Variants in FLRT2 observed in about 807,000 individuals in gnomAD.
The protein encoded by FLRT2 is leucine-rich repeat transmembrane protein FLRT2.
In FLRT2, 15 loss-of-function variants were observed where a neutral mutation model predicts 40.0. That is an observed-to-expected ratio of 0.38 (90% confidence interval 0.25 to 0.58). FLRT2 has a LOEUF of 0.58. FLRT2 is among the 20% of genes least tolerant of loss of function. FLRT2 has a pLI of 0.71. For missense variants in FLRT2, 726 were observed against 840.0 expected, an observed-to-expected ratio of 0.86 and a Z score of 1.68; for synonymous variants, 380 against 336.8, an observed-to-expected ratio of 1.13 and a Z score of -1.41.
rs1357433428 is a variant in FLRT2, at chr14:85,651,251, ATTCG to A, written c.*27757_*27760del. On this transcript the variant is annotated 3_prime_UTR_variant, in exon 2 of 2. Transcript: ENST00000330753. The stretch of plus-strand genomic sequence containing the variant: ...AGTCAAAGGACATAGCCTGGAAAGT[ATTCG>A]TTTGTTTGTGTGTGTGTGTGTGTGT... 7.6e-6 allele frequency: 1 copy of A among 131,860 alleles called. No individual in the cohort carries two copies. The highest frequency in any genetic ancestry group is 1.7e-5 in the Non-Finnish European group (1 of 59,484). 8.2% of individuals were successfully genotyped at this position (131,860 alleles called of 1,614,324 possible). A position where few individuals can be genotyped will look rare whatever the true frequency, so the allele number is the denominator to read the frequency against.
intron 1 of FLRT2, among the ~76,000 whole-genome samples, chr14:85,575,941 C>T (rs1284940893): frequency 6.6e-6 from 1 of 152,144 alleles, no homozygotes; most frequent in African/African-American, 2.4e-5. Flanking sequence ...AGGGGTATAG[C>T]TTTTAAGGAG....
At chr14:85,610,418 G>A (rs980403980) in intron 1 of FLRT2, among the ~76,000 whole-genome samples, 16 of 152,088 alleles carry the variant, frequency 1.1e-4, no homozygotes, top group Admixed American at 2.6e-4. Context: ...TCCAGGTAGC[G>A]TCTTTGATCT....
chr14:85,610,364 A>ATCAT (rs1016138785), intron 1 of FLRT2, among the ~76,000 whole-genome samples: 3 of 152,100 alleles, frequency 2.0e-5, no homozygotes, highest in Non-Finnish European at 4.4e-5. Context: ...GTTCTACTTC[A>ATCAT]TCATTACTTC....
Position 85,621,381 on chromosome 14 carries a change from G to T in FLRT2, c.-134G>T. The T allele has an allele frequency of 1.4e-6, 1 of 732,972 alleles. No homozygotes were observed. Among genetic ancestry groups the T allele is most frequent in the Non-Finnish European group, 2.2e-6 (1 of 458,816 alleles). The allele number at this position is 732,972 out of a possible 1,614,324, so 45.4% of individuals were successfully genotyped here. On this transcript the variant is annotated 5_prime_UTR_variant, in exon 2 of 2. Transcript: ENST00000330753. ...CAGCAGGGAGATTATTTTACCATACGCCCTCAGGACGTTCCCTCTAGCTGG... is the reference window on the plus strand; with the variant it reads ...CAGCAGGGAGATTATTTTACCATACTCCCTCAGGACGTTCCCTCTAGCTGG...
rs1254412350 is a variant in FLRT2 at position 85,643,741 on chromosome 14, C to T, written c.*20244C>T. On this transcript the variant is annotated 3_prime_UTR_variant, in exon 2 of 2. Coordinates refer to ENST00000330753, the MANE Select transcript of FLRT2 (RefSeq NM_013231.6). ...TATTAATGCATTGATGAGGACTCTC[C>T]TCTTTTAGATAGAGATGAAAGTGTA... is the stretch of plus-strand genomic sequence containing the variant. The T allele has an allele frequency of 1.3e-5, 2 of 152,226 alleles. No individual in the cohort carries two copies. The highest frequency in any genetic ancestry group is 2.1e-4 in the South Asian group (1 of 4,814). The allele number at this position is 152,226 out of a possible 1,614,324, so 9.4% of individuals were successfully genotyped here.
At chr14:85,560,111 G>A (rs561605766) in intron 1 of FLRT2, among the ~76,000 whole-genome samples, 4 of 152,246 alleles carry the variant, frequency 2.6e-5, no homozygotes, top group African/African-American at 9.6e-5. Flanking sequence ...GGCTGAGTAG[G>A]TTTACTTGTT....
Position 85,642,908 on chromosome 14 carries a change from C to A in FLRT2, c.*19411C>A, listed in dbSNP as rs1232658065. 4 of 152,180 alleles carry A rather than the reference C, an allele frequency of 2.6e-5. No individual in the cohort carries two copies. The highest frequency in any genetic ancestry group is 1.3e-4 in the Admixed American group (2 of 15,272). The allele number at this position is 152,180 out of a possible 1,614,324, so 9.4% of individuals were successfully genotyped here. ...ACTGCTGTAACAAAAATACCATAGA[C>A]TGAGTGGCTTAAACAATAAACATTT... On this transcript the variant is annotated 3_prime_UTR_variant, in exon 2 of 2. Coordinates refer to ENST00000330753, the MANE Select transcript of FLRT2 (RefSeq NM_013231.6).
In FLRT2 at chr14:85,622,645, T is replaced by G. The variant is rs1258181994; in HGVS notation, c.1131T>G (p.Ala377=). ...LPLFTPAPST[A]SPTTQPPTLS... ...TCTTCACCCCAGCCCCAAGTACAGC[T>G]TCTCCGACCACTCAGCCTCCCACCC... Residue 377 remains alanine (A), a synonymous_variant, in exon 2 of 2, where the codon GCT becomes GCG. Coordinates refer to ENST00000330753, the MANE Select transcript of FLRT2 (RefSeq NM_013231.6). 2.5e-6 allele frequency: 4 copies of G among 1,613,888 alleles called. No homozygotes were observed. Among genetic ancestry groups the G allele is most frequent in the Non-Finnish European group, 2.5e-6 (3 of 1,180,004 alleles).
intron 1 of FLRT2, among the ~76,000 whole-genome samples, chr14:85,580,145 T>C (rs1751639737): frequency 1.3e-5 from 2 of 152,096 alleles, no homozygotes; most frequent in Non-Finnish European, 2.9e-5. Context: ...CTGCCTTTTT[T>C]ACATAAGCTT....
chr14:85,579,721 T>C (rs1891301383), intron 1 of FLRT2, among the ~76,000 whole-genome samples: 1 of 152,170 alleles, frequency 6.6e-6, no homozygotes, highest in South Asian at 2.1e-4. Flanking sequence ...TGATTAATAA[T>C]TTGAATTCTT....
chr14:85,553,087 C>A (rs1595009564), intron 1 of FLRT2, among the ~76,000 whole-genome samples: 1 of 152,068 alleles, frequency 6.6e-6, no homozygotes, highest in Non-Finnish European at 1.5e-5. Context: ...GAGAGCAGCC[C>A]CCTTTCACCC....
At chr14:85,539,832 T>A (rs1888880790) in intron 1 of FLRT2, among the ~76,000 whole-genome samples, 1 of 152,176 alleles carries the variant, frequency 6.6e-6, no homozygotes, top group Admixed American at 6.5e-5. Flanking sequence ...CAAGACAGAG[T>A]CCTGCCTTTC....
At chr14:85,579,493 G>A (rs920724949) in intron 1 of FLRT2, among the ~76,000 whole-genome samples, 1 of 152,074 alleles carries the variant, frequency 6.6e-6, no homozygotes, top group Non-Finnish European at 1.5e-5. Flanking sequence ...GGGTGGGGAA[G>A]GGCTGGAAAG....
chr14:85,609,388 G>T (rs1174005759), intron 1 of FLRT2, among the ~76,000 whole-genome samples: 1 of 152,166 alleles, frequency 6.6e-6, no homozygotes, highest in Admixed American at 6.5e-5. Flanking sequence ...AACTCTCACT[G>T]GTTTTGAGAT....
At chr14:85,596,993 C>T (rs1016576273) in intron 1 of FLRT2, among the ~76,000 whole-genome samples, 1 of 152,018 alleles carries the variant, frequency 6.6e-6, no homozygotes, top group Non-Finnish European at 1.5e-5. Context: ...TTTAGCTGTG[C>T]CTTTATTATA....
intron 1 of FLRT2, among the ~76,000 whole-genome samples, chr14:85,545,628 A>G (rs961694318): frequency 6.6e-6 from 1 of 152,236 alleles, no homozygotes; most frequent in Non-Finnish European, 1.5e-5. Context: ...TTTGGGTGAA[A>G]GAGATTCATG....
In FLRT2 at chr14:85,641,122, A is replaced by G. The variant is rs1037998451; in HGVS notation, c.*17625A>G. ...GCGAAAACCCACGAAAGTGAAAACTAACAATAGAGAAGCCTTTTAAAAACC... is the reference window on the plus strand; with the variant it reads ...GCGAAAACCCACGAAAGTGAAAACTGACAATAGAGAAGCCTTTTAAAAACC... On this transcript the variant is annotated 3_prime_UTR_variant, in exon 2 of 2. Transcript: ENST00000330753. 6.6e-6 allele frequency: 1 copy of G among 152,216 alleles called. No homozygotes were observed. The highest frequency in any genetic ancestry group is 2.4e-5 in the African/African-American group (1 of 41,458). The allele number at this position is 152,216 out of a possible 1,614,324, so 9.4% of individuals were successfully genotyped here. A position where few individuals can be genotyped will look rare whatever the true frequency, so the allele number is the denominator to read the frequency against.
Position 85,558,056 on chromosome 14 carries a change from G to A in FLRT2, c.-377+27522G>A, listed in dbSNP as rs183399831. Among the ~76,000 whole-genome samples the A allele has an allele frequency of 6.8e-3, 1,031 of 152,212 alleles. 6 individuals are homozygous for A. The highest frequency in any genetic ancestry group is 0.014 in the South Asian group (67 of 4,818). ...CCGTAGAAAGCATCTGTAGACTTCCGCAGAAAGCATCCGTAGACTTCCGTA... is the reference window on the plus strand; with the variant it reads ...CCGTAGAAAGCATCTGTAGACTTCCACAGAAAGCATCCGTAGACTTCCGTA... On this transcript the variant is annotated intron_variant, in intron 1 of 1. Coordinates refer to ENST00000330753, the MANE Select transcript of FLRT2 (RefSeq NM_013231.6).
intron 1 of FLRT2, among the ~76,000 whole-genome samples, chr14:85,571,252 T>C (rs1890880711): frequency 6.6e-6 from 1 of 152,230 alleles, no homozygotes; most frequent in South Asian, 2.1e-4. Context: ...CATGTTTTTA[T>C]ATTCTGGAAT....
Sources: allele counts gnomAD v4.1 joint callset (sites outside exome capture counted in the v4.1 genomes callset), GRCh38; gene constraint gnomAD v4.1.1; transcripts MANE v1.5; gene names NCBI Gene and HGNC (gene_info 2026-07-23, HGNC 2026-07-21).